Variants in CDKAL1 observed in about 807,000 individuals in gnomAD.
CDKAL1 encodes the protein threonylcarbamoyladenosine tRNA methylthiotransferase.
In CDKAL1, 32 loss-of-function variants were observed where a neutral mutation model predicts 68.2. The observed-to-expected ratio is 0.47, with a 90% CI of 0.35 to 0.63. The LOEUF is 0.63. CDKAL1 is among the 30% of genes least tolerant of loss of function. The pLI is 0.00. For missense variants in CDKAL1, 606 were observed against 696.7 expected (o/e 0.87, Z 1.47); for synonymous variants, 234 against 244.3 (o/e 0.96, Z 0.39).
chr6:21,159,101 CTTTTT>C (rs10645059), intron 13 of CDKAL1, among the ~76,000 whole-genome samples: 1 of 135,808 alleles, frequency 7.4e-6, no homozygotes. Context: ...CTGAAACCTC[CTTTTT>C]TTTTTTTTTT....
At chr6:20,912,167 A>G (rs1031154434) in intron 9 of CDKAL1, among the ~76,000 whole-genome samples, 3 of 151,994 alleles carry the variant, frequency 2.0e-5, no homozygotes, top group Admixed American at 2.0e-4. Context: ...TACCAATTTT[A>G]TTATTGTTTC....
chr6:20,702,429 G>A (rs757755322), intron 5 of CDKAL1, among the ~76,000 whole-genome samples: 3 of 152,166 alleles, frequency 2.0e-5, no homozygotes, highest in Non-Finnish European at 2.9e-5. Context: ...TTGGTGTACC[G>A]GAAGAATCAG....
At chr6:21,003,759 G>A (rs1479536273) in intron 11 of CDKAL1, among the ~76,000 whole-genome samples, 2 of 152,142 alleles carry the variant, frequency 1.3e-5, no homozygotes, top group Non-Finnish European at 2.9e-5. Context: ...AAATTGTCTT[G>A]TCCAGCCTTT....
chr6:21,165,170 C>T (rs1777101892), intron 13 of CDKAL1, among the ~76,000 whole-genome samples: 1 of 152,222 alleles, frequency 6.6e-6, no homozygotes, highest in Non-Finnish European at 1.5e-5. Flanking sequence ...TTTCCTTCCA[C>T]TTTCTGTTTC....
chr6:20,655,631 T>C (rs1768991339), intron 5 of CDKAL1, among the ~76,000 whole-genome samples: 2 of 152,120 alleles, frequency 1.3e-5, no homozygotes, highest in African/African-American at 2.4e-5. Context: ...GTGCGCTCCT[T>C]ATAAGAATCT....
At chr6:20,904,254 G>C (rs979114528) in intron 9 of CDKAL1, among the ~76,000 whole-genome samples, 1 of 152,064 alleles carries the variant, frequency 6.6e-6, no homozygotes, top group Non-Finnish European at 1.5e-5. Context: ...TCTAGTCCAG[G>C]GCTGGGCATG....
chr6:20,842,542 ATCATGT>A (rs2150487517), intron 8 of CDKAL1, among the ~76,000 whole-genome samples: 1 of 152,346 alleles, frequency 6.6e-6, no homozygotes, highest in Non-Finnish European at 1.5e-5. Flanking sequence ...CTTCAAAACT[ATCATGT>A]TGGCTGGGTG....
intron 6 of CDKAL1, among the ~76,000 whole-genome samples, chr6:20,741,663 G>A (rs1236303095): frequency 2.6e-5 from 4 of 151,368 alleles, no homozygotes; most frequent in Non-Finnish European, 4.4e-5. Context: ...GTTTTTTTAT[G>A]GCTGCATAGT....
intron 13 of CDKAL1, among the ~76,000 whole-genome samples, chr6:21,157,810 G>C (rs1776717795): frequency 6.6e-6 from 1 of 152,168 alleles, no homozygotes; most frequent in Admixed American, 6.6e-5. Flanking sequence ...GAGGGACTGT[G>C]ATTTCACTTC....
At chr6:20,842,519 A>G (rs114898130) in intron 8 of CDKAL1, among the ~76,000 whole-genome samples, 1,715 of 152,326 alleles carry the variant, frequency 0.011, 28 homozygotes, top group African/African-American at 0.039. Flanking sequence ...CTTATACAAT[A>G]AAGAGTTTAG....
At chr6:21,148,022 G>A (rs987509862) in intron 13 of CDKAL1, among the ~76,000 whole-genome samples, 2 of 152,142 alleles carry the variant, frequency 1.3e-5, no homozygotes, top group Non-Finnish European at 2.9e-5. Flanking sequence ...CCAAAAAAGT[G>A]TATTTCCTTC....
At chr6:20,828,419 G>A (rs1406601343) in intron 8 of CDKAL1, among the ~76,000 whole-genome samples, 1 of 151,874 alleles carries the variant, frequency 6.6e-6, no homozygotes, top group Non-Finnish European at 1.5e-5. Flanking sequence ...AGTAGATACA[G>A]GGTTTTGCCA....
intron 9 of CDKAL1, among the ~76,000 whole-genome samples, chr6:20,897,665 G>T (rs4712562): frequency 0.18 from 27,437 of 151,752 alleles, 2,739 homozygotes; most frequent in Middle Eastern, 0.27. Flanking sequence ...AATTATATAG[G>T]AAAAAGTCTT....
intron 9 of CDKAL1, among the ~76,000 whole-genome samples, chr6:20,900,588 G>A (rs1041390164): frequency 1.3e-5 from 2 of 152,208 alleles, no homozygotes; most frequent in African/African-American, 4.8e-5. Flanking sequence ...CATTAACTGT[G>A]TGCTTATTCA....
intron 4 of CDKAL1, among the ~76,000 whole-genome samples, chr6:20,605,083 T>C (rs925449559): frequency 3.3e-5 from 5 of 152,204 alleles, no homozygotes; most frequent in Admixed American, 3.3e-4. Flanking sequence ...GTCACTGGAG[T>C]AATTGATACT....
At chr6:20,698,931 A>T (rs2127812918) in intron 5 of CDKAL1, among the ~76,000 whole-genome samples, 1 of 152,336 alleles carries the variant, frequency 6.6e-6, no homozygotes, top group South Asian at 2.1e-4. Context: ...TAAATGATAC[A>T]AATCAGACCA....
intron 5 of CDKAL1, among the ~76,000 whole-genome samples, chr6:20,722,859 G>A (rs1772447942): frequency 6.6e-6 from 1 of 152,140 alleles, no homozygotes; most frequent in Admixed American, 6.5e-5. Flanking sequence ...CAGACAGCCA[G>A]ACAGCCAGCC....
chr6:20,800,974 ATGGTGCTTTCAAGG>A (rs1379456994), intron 8 of CDKAL1, among the ~76,000 whole-genome samples: 1 of 152,126 alleles, frequency 6.6e-6, no homozygotes, highest in Admixed American at 6.5e-5. Flanking sequence ...CTGGAGCATG[ATGGTGCTTTCAAGG>A]CTCACTGCAG....
intron 13 of CDKAL1, among the ~76,000 whole-genome samples, chr6:21,129,838 A>G (rs1775210018): frequency 6.6e-6 from 1 of 152,194 alleles, no homozygotes; most frequent in Admixed American, 6.5e-5. Context: ...AAGTAATAGA[A>G]TATTTGGAAT....
Sources: allele counts gnomAD v4.1 joint callset (sites outside exome capture counted in the v4.1 genomes callset), GRCh38; gene constraint gnomAD v4.1.1; transcripts MANE v1.5; gene names NCBI Gene and HGNC (gene_info 2026-07-23, HGNC 2026-07-21).